ESR2: variants seen among roughly 807,000 people sequenced by gnomAD.
ESR2 encodes estrogen receptor beta.
A neutral mutation model predicts 49.6 loss-of-function variants in ESR2; 36 were observed. The observed-to-expected ratio is 0.73, with a 90% CI of 0.56 to 0.96. The LOEUF (loss-of-function observed/expected upper bound fraction) is 0.96, where lower values mean the gene tolerates loss of function less well. ESR2 is among the 40% of genes least tolerant of loss of function. The pLI is 0.00. For synonymous variants in ESR2, 320 were observed against 266.1 expected, an observed-to-expected ratio of 1.20 and a Z score of -1.97; for missense variants, 714 against 693.0, an observed-to-expected ratio of 1.03 and a Z score of -0.34.
At position 64,309,857 on chromosome 14, in the gene ESR2, C is replaced by T. The variant is rs558220138; in HGVS notation, c.-90-26782G>A. 2.9e-3 allele frequency among the ~76,000 whole-genome samples: 445 copies of T among 152,126 alleles called. 1 individual carries two copies. The highest frequency in any genetic ancestry group is 0.01 in the African/African-American group (427 of 41,502). On this transcript the variant is annotated intron_variant, in intron 1 of 8. Transcript: ENST00000358599. ...ATCCCAGCACTTTGGGAGGCTGAGGCGGGCGGATCACAAGGTCAGGAGATC... is the reference window on the plus strand; with the variant it reads ...ATCCCAGCACTTTGGGAGGCTGAGGTGGGCGGATCACAAGGTCAGGAGATC...
intron 7 of ESR2, among the ~76,000 whole-genome samples, chr14:64,237,954 G>A (rs2075640058): frequency 6.6e-6 from 1 of 152,082 alleles, no homozygotes; most frequent in Non-Finnish European, 1.5e-5. Context: ...AATTGATGGT[G>A]GTGATGGTTG....
rs891244036 is a variant in ESR2, at chr14:64,233,418, C to G, written c.1407-95G>C. On this transcript the variant is annotated intron_variant, in intron 8 of 8. Transcript: ENST00000341099. ...GCTCTCTTTGCTCAGAGCCAGTCTA[C>G]CCCACCCCTAAACCCACTCTTCCCC... The G allele has an allele frequency of 4.1e-6, 5 of 1,230,406 alleles. No homozygotes were observed. The African/African-American group carries it at 7.4e-5, about 18-fold the overall frequency. 76.2% of individuals were successfully genotyped at this position (1,230,406 alleles called of 1,614,324 possible).
At chr14:64,233,600 C>A in intron 8 of ESR2, 2 of 391,260 alleles carry the variant, frequency 5.1e-6, no homozygotes, top group Non-Finnish European at 9.4e-6. Context: ...AATTATGTTC[C>A]GTAAAGTCAC....
At chr14:64,226,927 C>T (rs932679572), downstream of ESR2, 1 of 152,338 alleles carries the variant, frequency 6.6e-6, no homozygotes, top group Admixed American at 6.5e-5. Context: ...CTGACCTCAA[C>T]TGATCTGCCC....
chr14:64,267,357 T>G (rs1464852216), intron 4 of ESR2, among the ~76,000 whole-genome samples: 2 of 129,376 alleles, frequency 1.5e-5, no homozygotes, highest in African/African-American at 6.0e-5. Context: ...AATGTTTAGG[T>G]GTTTGAGAGA....
chr14:64,319,450 T>C (rs1434219052), intron 1 of ESR2, among the ~76,000 whole-genome samples: 2 of 151,242 alleles, frequency 1.3e-5, no homozygotes, highest in African/African-American at 4.9e-5. Flanking sequence ...CTAAAAAGTA[T>C]GCCCTGTGAT....
At chr14:64,320,080 A>C (rs768170733) in intron 1 of ESR2, among the ~76,000 whole-genome samples, 1 of 151,870 alleles carries the variant, frequency 6.6e-6, no homozygotes, top group Non-Finnish European at 1.5e-5. Context: ...AGTCTGCACA[A>C]CAGAATATTA....
intron 4 of ESR2, among the ~76,000 whole-genome samples, chr14:64,261,239 C>CTTTTTTTT (rs58982771): frequency 5.7e-4 from 72 of 127,038 alleles, no homozygotes; most frequent in East Asian, 8.7e-4. Flanking sequence ...TTTCTTTTTT[C>CTTTTTTTT]TTTTTTTTTT....
chr14:64,282,922 T>A lies in ESR2; in HGVS notation c.64A>T (p.Ile22Phe), dbSNP rs76299711. The A allele has an allele frequency of 3.1e-6, 5 of 1,614,074 alleles. No homozygotes were observed. Among genetic ancestry groups the A allele is most frequent in the African/African-American group, 1.3e-5 (1 of 75,044 alleles). ...SPSSYNCSQS[I>F]LPLEHGSIYI... ...ATGGAGCCGTGCTCCAGGGGTAAGA[T>A]GGATTGACTGCAGTTGTAGGAGGAA... Residue 22 changes from isoleucine (I) to phenylalanine (F), a missense_variant, in exon 2 of 9, where the codon ATC becomes TTC. By Grantham distance (21) the Ile-to-Phe change is conservative. Coordinates refer to ENST00000341099, the MANE Select transcript of ESR2 (RefSeq NM_001437.3).
At chr14:64,269,377 A>T (rs993727859) in intron 3 of ESR2, among the ~76,000 whole-genome samples, 1 of 152,240 alleles carries the variant, frequency 6.6e-6, no homozygotes, top group African/African-American at 2.4e-5. Context: ...AGAAATTAGC[A>T]ATCTAAATAA....
chr14:64,289,571 T>C (rs895957071), intron 1 of ESR2, among the ~76,000 whole-genome samples: 2 of 152,062 alleles, frequency 1.3e-5, no homozygotes, highest in African/African-American at 2.4e-5. Flanking sequence ...TAAGGTATTA[T>C]TACACATCCA....
Position 64,268,928 on chromosome 14 carries a change from G to A in ESR2, c.536-17C>T, listed in dbSNP as rs1009790243. ...CATTATGTCCTATAGCAGAGTGGGA[G>A]GGAAAAAAAGATTATTGCTATGATC... is the stretch of plus-strand genomic sequence containing the variant. On this transcript the variant is annotated splice_polypyrimidine_tract_variant and intron_variant, in intron 3 of 8. Coordinates refer to ENST00000341099, the MANE Select transcript of ESR2 (RefSeq NM_001437.3). 13 of 1,372,148 alleles carry A rather than the reference G, an allele frequency of 9.5e-6. No individual in the cohort carries two copies. Among genetic ancestry groups the A allele is most frequent in the Middle Eastern group, 1.8e-4 (1 of 5,512 alleles). The allele number at this position is 1,372,148 out of a possible 1,614,324, so 85.0% of individuals were successfully genotyped here. A position where few individuals can be genotyped will look rare whatever the true frequency, so the allele number is the denominator to read the frequency against.
At position 64,254,609 on chromosome 14, in the gene ESR2, T is replaced by C. The variant is rs1427390151; in HGVS notation, c.1091+2617A>G. Among the ~76,000 whole-genome samples, 6 of 148,838 alleles carry C rather than the reference T, an allele frequency of 4.0e-5. No homozygotes were observed. The East Asian group carries it at 1.2e-3, about 29-fold the overall frequency. On this transcript the variant is annotated intron_variant, in intron 6 of 8. Coordinates refer to ENST00000341099, the MANE Select transcript of ESR2 (RefSeq NM_001437.3). Reference sequence around the variant, plus strand: ...TAAAAAAAAAAAAAAAATACAAAAATTGGCCAGCCGTAGTGGCACATGCCT... The same window carrying C: ...TAAAAAAAAAAAAAAAATACAAAAACTGGCCAGCCGTAGTGGCACATGCCT...
intron 4 of ESR2, among the ~76,000 whole-genome samples, chr14:64,261,848 CT>C (rs1314672898): frequency 6.6e-6 from 1 of 151,364 alleles, no homozygotes; most frequent in Non-Finnish European, 1.5e-5. Context: ...ATCTCCTGGA[CT>C]CAAGCAATCC....
chr14:64,299,454 G>T (rs1220208044), intron 1 of ESR2, among the ~76,000 whole-genome samples: 3 of 144,860 alleles, frequency 2.1e-5, no homozygotes, highest in African/African-American at 7.8e-5. Context: ...AGGCTAGAGT[G>T]CAGTGGCACA....
At chr14:64,326,295 T>C (rs188156806) in intron 1 of ESR2, among the ~76,000 whole-genome samples, 1 of 152,242 alleles carries the variant, frequency 6.6e-6, no homozygotes, top group East Asian at 1.9e-4. Context: ...TCAATGAAGA[T>C]TTGGGGCCTC....
intron 7 of ESR2, among the ~76,000 whole-genome samples, chr14:64,245,873 G>A (rs1454358725): frequency 6.6e-6 from 1 of 152,244 alleles, no homozygotes; most frequent in Non-Finnish European, 1.5e-5. Context: ...ATTTCTGAAA[G>A]TGAGAGAAGC....
At chr14:64,311,448 T>G (rs2077186944) in intron 1 of ESR2, among the ~76,000 whole-genome samples, 2 of 152,100 alleles carry the variant, frequency 1.3e-5, no homozygotes, top group African/African-American at 2.4e-5. Flanking sequence ...GAGACCAGCC[T>G]GGCCAACATG....
chr14:64,295,456 G>A (rs2076944766), upstream of ESR2, among the ~76,000 whole-genome samples: 1 of 152,206 alleles, frequency 6.6e-6, no homozygotes, highest in Non-Finnish European at 1.5e-5. Context: ...AGAAGCATCT[G>A]CTTCATCAGC....
Sources: allele counts gnomAD v4.1 joint callset (sites outside exome capture counted in the v4.1 genomes callset), GRCh38; gene constraint gnomAD v4.1.1; transcripts MANE v1.5; gene names NCBI Gene and HGNC (gene_info 2026-07-23, HGNC 2026-07-21).